Variants in C10orf90 observed in about 807,000 individuals in gnomAD.
C10orf90 encodes the protein chromosome 10 open reading frame 90.
A neutral mutation model predicts 62.5 loss-of-function variants in C10orf90; 56 were observed. The observed-to-expected ratio is 0.90, with a 90% CI of 0.72 to 1.12. C10orf90 has a LOEUF of 1.12. Ranked by LOEUF, C10orf90 falls within the 50% of genes most tolerant of loss-of-function variation. The probability of loss-of-function intolerance (pLI) is 0.00; values close to 1 mark genes in which losing one functional copy is unlikely to be tolerated. For missense variants in C10orf90, 970 were observed against 880.4 expected, an observed-to-expected ratio of 1.10 and a Z score of -1.29; for synonymous variants, 386 against 340.4, an observed-to-expected ratio of 1.13 and a Z score of -1.47.
intron 2 of C10orf90, among the ~76,000 whole-genome samples, chr10:126,633,988 G>C (rs537142235): frequency 6.6e-6 from 1 of 152,188 alleles, no homozygotes; most frequent in Non-Finnish European, 1.5e-5. Context: ...GATAAGTTTT[G>C]GCGAAGAAGC....
chr10:126,428,500 C>T (rs1176745679), intron 8 of C10orf90, among the ~76,000 whole-genome samples: 1 of 152,150 alleles, frequency 6.6e-6, no homozygotes, highest in Non-Finnish European at 1.5e-5. Flanking sequence ...AGTGCAAACC[C>T]AGCTGCTAAA....
intron 1 of C10orf90, among the ~76,000 whole-genome samples, chr10:126,660,432 G>A (rs971178242): frequency 2.6e-5 from 4 of 152,208 alleles, no homozygotes; most frequent in African/African-American, 7.2e-5. Context: ...AGCTGCCCAC[G>A]GCTAGAGCCT....
intron 2 of C10orf90, among the ~76,000 whole-genome samples, chr10:126,624,536 C>G (rs890625026): frequency 2.0e-5 from 3 of 152,164 alleles, no homozygotes; most frequent in African/African-American, 4.8e-5. Flanking sequence ...GGCTAAGAAC[C>G]AGACTTGGAA....
chr10:126,432,216 C>G (rs143835061), intron 7 of C10orf90, among the ~76,000 whole-genome samples: 1 of 152,174 alleles, frequency 6.6e-6, no homozygotes, highest in Non-Finnish European at 1.5e-5. Context: ...GTGAGAGGAA[C>G]ACAACTCACT....
rs1862627338 is a variant in C10orf90, at chr10:126,504,833, G to A, written c.658C>T (p.Pro220Ser). Residue 220 changes from proline (P) to serine (S), a missense_variant, in exon 4 of 10, where the codon CCG (proline) becomes TCG (serine). Physicochemically the swap from Pro to Ser is moderately conservative, Grantham distance 74 (BLOSUM62 -1). Transcript: ENST00000488181. This position sits in a 1 kb window ranked among gnomAD's most constrained non-coding sequence, Gnocchi z 4.1. ...CCACAGGGTCTCTCCTCTTTGGGCG[G>A]CAGCTCTGCCTCAGGTCCTCGCTCA... ...SDERGPEAEL[P>S]PKEERPCGGP... 6.2e-7 allele frequency: 1 copy of A among 1,603,804 alleles called. No homozygotes were observed. The highest frequency in any genetic ancestry group is 8.5e-7 in the Non-Finnish European group (1 of 1,173,950).
chr10:126,559,555 T>A (rs1864854362), intron 2 of C10orf90, among the ~76,000 whole-genome samples: 1 of 152,186 alleles, frequency 6.6e-6, no homozygotes, highest in East Asian at 1.9e-4. Context: ...AGGCTATGGA[T>A]CCATCCATCC....
chr10:126,568,041 CCCTAAGCTTAGGCCACTT>C (rs1003412175), intron 2 of C10orf90, among the ~76,000 whole-genome samples: 15 of 152,170 alleles, frequency 9.9e-5, no homozygotes, highest in African/African-American at 3.1e-4. Context: ...TTAGGCCACT[CCCTAAGCTTAGGCCACTT>C]CCTAAGCTTA....
chr10:126,604,631 G>A (rs936263299), intron 2 of C10orf90, among the ~76,000 whole-genome samples: 1 of 152,102 alleles, frequency 6.6e-6, no homozygotes. Flanking sequence ...CCCCTCAGGA[G>A]CCATAGAGTG....
chr10:126,583,033 G>A (rs1363946224), intron 2 of C10orf90, among the ~76,000 whole-genome samples: 1 of 152,116 alleles, frequency 6.6e-6, no homozygotes, highest in African/African-American at 2.4e-5. Flanking sequence ...GTGCATTTTA[G>A]GATGTTTTAC....
intron 5 of C10orf90, among the ~76,000 whole-genome samples, chr10:126,464,191 C>G (rs1162695399): frequency 6.6e-6 from 1 of 152,138 alleles, no homozygotes; most frequent in East Asian, 1.9e-4. Context: ...TGTTCTAATT[C>G]TTGGTTTCTT....
At chr10:126,597,246 T>A (rs931535799) in intron 2 of C10orf90, among the ~76,000 whole-genome samples, 1 of 152,250 alleles carries the variant, frequency 6.6e-6, no homozygotes, top group Non-Finnish European at 1.5e-5. Context: ...ACAAAAAGAC[T>A]TGTATGAGAA....
At position 126,603,172 on chromosome 10, in the gene C10orf90, C is replaced by T. The variant is rs1157649790; in HGVS notation, c.313+43393G>A. 5.9e-5 allele frequency among the ~76,000 whole-genome samples: 9 copies of T among 151,732 alleles called. No homozygotes were observed. In the South Asian group the frequency reaches 1.5e-3, roughly 25 times the overall value. The stretch of plus-strand genomic sequence containing the variant: ...CGTTCTCACGCTGCTAATAAAGACA[C>T]ATCTGAGATGAGGTACTTTATAGTA... On this transcript the variant is annotated intron_variant, in intron 2 of 9. Coordinates refer to ENST00000488181, the MANE Select transcript of C10orf90 (RefSeq NM_001350921.2).
chr10:126,595,382 C>T (rs1845063903), intron 2 of C10orf90, among the ~76,000 whole-genome samples: 1 of 152,236 alleles, frequency 6.6e-6, no homozygotes, highest in African/African-American at 2.4e-5. Flanking sequence ...ACTGCCACCC[C>T]TCCTGACAAA....
At chr10:126,625,060 G>C in intron 2 of C10orf90, among the ~76,000 whole-genome samples, 1 of 152,226 alleles carries the variant, frequency 6.6e-6, no homozygotes, top group East Asian at 1.9e-4. Context: ...TGCTGATGCA[G>C]GGAGCTGAGG....
intron 2 of C10orf90, among the ~76,000 whole-genome samples, chr10:126,606,534 A>G (rs1057021483): frequency 1.3e-5 from 2 of 152,124 alleles, no homozygotes; most frequent in African/African-American, 4.8e-5. Context: ...ACTTTCATGG[A>G]AAGTCAAAAC....
At chr10:126,625,749 AT>A (rs1413549700) in intron 2 of C10orf90, among the ~76,000 whole-genome samples, 1 of 152,188 alleles carries the variant, frequency 6.6e-6, no homozygotes, top group East Asian at 1.9e-4. Flanking sequence ...TATGTCATTC[AT>A]TGGAATTTTT....
At chr10:126,528,801 T>C (rs1864017714) in intron 2 of C10orf90, among the ~76,000 whole-genome samples, 1 of 152,218 alleles carries the variant, frequency 6.6e-6, no homozygotes, top group Non-Finnish European at 1.5e-5. Flanking sequence ...TGGAGTTCTC[T>C]GTGCACCAGA....
At chr10:126,507,540 T>C (rs1003360089) in intron 3 of C10orf90, among the ~76,000 whole-genome samples, 2 of 150,702 alleles carry the variant, frequency 1.3e-5, no homozygotes, top group African/African-American at 4.9e-5. Context: ...CACTGAGTCA[T>C]GAAAGGGGAC....
At chr10:126,609,690 G>A (rs1379044026) in intron 2 of C10orf90, among the ~76,000 whole-genome samples, 1 of 152,234 alleles carries the variant, frequency 6.6e-6, no homozygotes, top group Non-Finnish European at 1.5e-5. Flanking sequence ...CTTAGGAGCA[G>A]TGGCTTAGAG....
Sources: allele counts gnomAD v4.1 joint callset (sites outside exome capture counted in the v4.1 genomes callset), GRCh38; gene constraint gnomAD v4.1.1; non-coding constraint Gnocchi (gnomAD v3.1); transcripts MANE v1.5; gene names NCBI Gene and HGNC (gene_info 2026-07-23, HGNC 2026-07-21).